The following FBXO5 variants were observed in gnomAD, a reference collection of about 807,000 sequenced individuals.
FBXO5 encodes the protein F-box only protein 5.
In FBXO5, 8 loss-of-function variants were observed where a neutral mutation model predicts 43.3. The observed-to-expected ratio is 0.18, with a 90% CI of 0.11 to 0.33. The LOEUF is 0.33. Ranked by LOEUF, FBXO5 falls within the 10% of genes least tolerant of loss-of-function variation. The pLI is 1.00. For synonymous variants in FBXO5, 204 were observed against 193.7 expected (o/e 1.05, Z -0.44); for missense variants, 491 against 535.7 (o/e 0.92, Z 0.82).
intron 1 of FBXO5, among the ~76,000 whole-genome samples, chr6:152,977,165 G>T (rs916744995): frequency 2.6e-5 from 4 of 152,170 alleles, no homozygotes; most frequent in African/African-American, 9.7e-5. Flanking sequence ...CATTGTTGAA[G>T]GCAGAGAGTA....
At chr6:152,974,882 T>G in intron 2 of FBXO5, 25 bp downstream of exon 2, 1 of 1,527,910 alleles carries the variant, frequency 6.5e-7, no homozygotes, top group South Asian at 1.3e-5. Flanking sequence ...ATTATGCTAA[T>G]ATGTATATTC....
intron 1 of FBXO5, among the ~76,000 whole-genome samples, chr6:152,980,224 T>TG (rs1778239975): frequency 6.6e-6 from 1 of 152,170 alleles, no homozygotes; most frequent in Admixed American, 6.5e-5. Context: ...AGATGAGGGC[T>TG]AAGAGTTCAG....
At chr6:152,974,820 C>G (rs1003568944) in intron 2 of FBXO5, 87 bp downstream of exon 2, 2 of 1,030,754 alleles carry the variant, frequency 1.9e-6, no homozygotes, top group Non-Finnish European at 2.8e-6. Context: ...ACCTGTACAA[C>G]AGCCTTTGCA....
chr6:152,972,338 T>G lies in FBXO5; in HGVS notation c.1026A>C (p.Gln342His). The change falls in exon 4 of 5, where the codon CAA becomes CAC. Residue 342 changes from glutamine to histidine, a missense_variant. Coordinates refer to ENST00000229758, the MANE Select transcript of FBXO5 (RefSeq NM_012177.5). ...AAQTSLKKDA[Q>H]TKLSNQGDQK... ...GATCACCTTGATTGGATAACTTGGT[T>G]TGAGCATCTTTTTTGAGAGAAGTCT... is the stretch of plus-strand genomic sequence containing the variant. The G allele has an allele frequency of 6.2e-7, 1 of 1,613,116 alleles. No homozygotes were observed. Among genetic ancestry groups the G allele is most frequent in the Non-Finnish European group, 8.5e-7 (1 of 1,179,364 alleles).
upstream of FBXO5, chr6:152,983,546 C>T (rs922080369): frequency 6.6e-6 from 1 of 152,408 alleles, no homozygotes; most frequent in Non-Finnish European, 1.5e-5. Flanking sequence ...GACCCTCCCC[C>T]CAGTCCAGCT....
At position 152,971,094 on chromosome 6, in the gene FBXO5, T is replaced by TA. The variant is rs1246745349; in HGVS notation, c.*68_*69insT. On this transcript the variant is annotated 3_prime_UTR_variant, in exon 5 of 5. Coordinates refer to ENST00000229758, the MANE Select transcript of FBXO5 (RefSeq NM_012177.5). ...TAAAATTGAAAATCACAATACAATT[T>TA]TTTTTAAGTTAAAACCTAACATTTT... 4 of 1,464,596 alleles carry TA rather than the reference T, an allele frequency of 2.7e-6. No homozygotes were observed. The East Asian group carries it at 9.2e-5, about 34-fold the overall frequency. 90.7% of individuals were successfully genotyped at this position (1,464,596 alleles called of 1,614,324 possible).
intron 3 of FBXO5, 24 bp from the exon 4 acceptor site, chr6:152,972,478 A>T: frequency 6.7e-7 from 1 of 1,498,434 alleles, no homozygotes; most frequent in South Asian, 1.3e-5. Flanking sequence ...AAGTTTTAAT[A>T]GAATTTAGAA....
At chr6:152,980,704 T>C (rs1778247124) in intron 1 of FBXO5, among the ~76,000 whole-genome samples, 1 of 152,180 alleles carries the variant, frequency 6.6e-6, no homozygotes. Context: ...AGGTCTGTTA[T>C]TTAGAAGGGT....
chr6:152,972,860 G>A (rs1778107102), intron 3 of FBXO5, 186 bp downstream of exon 3: 3 of 443,716 alleles, frequency 6.8e-6, no homozygotes, highest in African/African-American at 2.5e-5. Context: ...TTTCTAGGAA[G>A]AATCCAAGAA....
At chr6:152,974,829 C>T (rs1220216598) in intron 2 of FBXO5, 78 bp downstream of exon 2, 10 of 1,113,024 alleles carry the variant, frequency 9.0e-6, no homozygotes, top group Non-Finnish European at 1.3e-5. Flanking sequence ...ACAGCCTTTG[C>T]ATGAGCTGGT....
intron 4 of FBXO5, 34 bp downstream of exon 4, chr6:152,972,235 CTTA>C: frequency 6.8e-7 from 1 of 1,480,840 alleles, no homozygotes; most frequent in Non-Finnish European, 9.3e-7. Context: ...CTCTAAATCT[CTTA>C]TGTTTTAAGA....
intron 4 of FBXO5, among the ~76,000 whole-genome samples, chr6:152,971,851 C>A (rs1778091609): frequency 6.6e-6 from 1 of 152,160 alleles, no homozygotes; most frequent in African/African-American, 2.4e-5. Context: ...CCACTTAACT[C>A]TCTTCCTCGG....
rs1391337110 is a variant in FBXO5 at position 152,974,897 on chromosome 6, C to G, written c.818+10G>C. 1 of 1,565,288 alleles carries G rather than the reference C, an allele frequency of 6.4e-7. No homozygotes were observed. Among genetic ancestry groups the G allele is most frequent in the South Asian group, 1.2e-5 (1 of 81,896 alleles). On this transcript the variant is annotated intron_variant, in intron 2 of 4. Transcript: ENST00000229758. ...ATTATGCTAATATGTATATTCAAAA[C>G]AGTACTTACTTGATTAAGTCCATGT... is the stretch of plus-strand genomic sequence containing the variant.
rs1491205604 is a variant in FBXO5 at position 152,978,377 on chromosome 6, T to TTTGG, written c.104-2757_104-2756insCCAA. Among the ~76,000 whole-genome samples the TTTGG allele has an allele frequency of 6.2e-4, 13 of 21,128 alleles. 1 individual carries two copies. The highest frequency in any genetic ancestry group is 8.7e-4 in the Admixed American group (1 of 1,154). The allele number at this position is 21,128 out of a possible 152,430, so 13.9% of individuals were successfully genotyped here. On this transcript the variant is annotated intron_variant, in intron 1 of 4. Transcript: ENST00000229758. ...ATTAATCATGGAGAGCTTCATTTTT[T>TTTGG]GGGGGGGGGGGGGGGGCGGGGGACT...
intron 1 of FBXO5, among the ~76,000 whole-genome samples, chr6:152,977,284 CA>C (rs1346612335): frequency 6.6e-6 from 1 of 151,752 alleles, no homozygotes; most frequent in African/African-American, 2.4e-5. Context: ...ATATAGCTAA[CA>C]ATTTATCCTG....
chr6:152,972,693 T>A, intron 3 of FBXO5: 1 of 502,042 alleles, frequency 2.0e-6, no homozygotes, highest in South Asian at 3.1e-5. Context: ...TTAGATGCAG[T>A]CTATATGGTA....
chr6:152,982,045 T>C (rs755801515), intron 1 of FBXO5, among the ~76,000 whole-genome samples: 1 of 152,218 alleles, frequency 6.6e-6, no homozygotes, highest in Non-Finnish European at 1.5e-5. Context: ...TATGGACAAA[T>C]TCAAGGTTCG....
At chr6:152,974,565 A>T (rs1304743861) in intron 2 of FBXO5, among the ~76,000 whole-genome samples, 4 of 152,234 alleles carry the variant, frequency 2.6e-5, no homozygotes, top group Non-Finnish European at 5.9e-5. Context: ...AACACCAGCA[A>T]GTCATTACCG....
chr6:152,983,297 C>T (rs897958774), upstream of FBXO5: 4 of 249,448 alleles, frequency 1.6e-5, no homozygotes, highest in Admixed American at 1.1e-4. Context: ...GGGGAGGCCG[C>T]GGCCCGGCCA....
Sources: gnomAD v4.1 joint callset for allele counts (sites outside exome capture counted in the v4.1 genomes callset) on GRCh38, gnomAD v4.1.1 for gene constraint, MANE v1.5 for transcripts, NCBI Gene and HGNC (gene_info 2026-07-23, HGNC 2026-07-21) for gene names.